Variants in ADGRB3 observed in about 807,000 individuals in gnomAD.
ADGRB3 encodes adhesion G protein-coupled receptor B3.
In ADGRB3, 37 loss-of-function variants were observed where a neutral mutation model predicts 193.4. The ratio of observed to expected loss-of-function variants is 0.19; its 90% CI spans 0.15 to 0.25. ADGRB3 has a LOEUF of 0.25. Among genes scored for constraint, ADGRB3 ranks in the 10% least tolerant of loss-of-function variants. The pLI is 1.00. For missense variants in ADGRB3, 1,637 were observed against 1,852.9 expected (o/e 0.88, Z 2.14); for synonymous variants, 690 against 644.2 (o/e 1.07, Z -1.08).
intron 20 of ADGRB3, among the ~76,000 whole-genome samples, chr6:69,314,913 T>C (rs141856385): frequency 6.6e-6 from 1 of 151,704 alleles, no homozygotes; most frequent in East Asian, 1.9e-4. Context: ...ATTTCATTAG[T>C]TGAGGTGCTT....
At chr6:69,160,582 T>G (rs1774956513) in intron 17 of ADGRB3, among the ~76,000 whole-genome samples, 1 of 152,120 alleles carries the variant, frequency 6.6e-6, no homozygotes, top group African/African-American at 2.4e-5. Context: ...CATATCATCT[T>G]ATTATCATCT....
intron 10 of ADGRB3, among the ~76,000 whole-genome samples, chr6:68,983,583 T>G (rs745972528): frequency 2.0e-5 from 3 of 151,738 alleles, no homozygotes; most frequent in Non-Finnish European, 1.5e-5. Context: ...ACTGTGTTAT[T>G]CAATCATTTA....
chr6:68,930,595 A>G lies in ADGRB3; in HGVS notation c.794A>G (p.Gln265Arg). The G allele has an allele frequency of 6.2e-7, 1 of 1,612,810 alleles. No homozygotes were observed. The highest frequency in any genetic ancestry group is 8.5e-7 in the Non-Finnish European group (1 of 1,179,342). ...GMMGDHTIKS[Q>R]RPRSVHEKRV... The stretch of plus-strand genomic sequence containing the variant: ...ATGGGAGATCATACAATTAAAAGTC[A>G]GCGACCTCGATCTGTTCATGAAAAA... Residue 265 changes from glutamine (Q) to arginine (R), a missense_variant, in exon 4 of 32, where the codon CAG becomes CGG. Around this residue, in one of 7 missense-constraint regions of ADGRB3, gnomAD observed 365 missense variants for 409.8 expected, o/e 0.89. Coordinates refer to ENST00000370598, the MANE Select transcript of ADGRB3 (RefSeq NM_001704.3).
At chr6:69,075,387 C>T (rs183494115) in intron 16 of ADGRB3, among the ~76,000 whole-genome samples, 5 of 152,206 alleles carry the variant, frequency 3.3e-5, no homozygotes, top group East Asian at 1.9e-4. Flanking sequence ...TTGAAGGTCA[C>T]GGCAGGTACT....
intron 3 of ADGRB3, among the ~76,000 whole-genome samples, chr6:68,708,790 A>G: frequency 6.6e-6 from 1 of 152,202 alleles, no homozygotes; most frequent in South Asian, 2.1e-4. Flanking sequence ...TTTACTGAAA[A>G]TTAAGTGAAT....
At chr6:69,170,716 T>C (rs1045072309) in intron 17 of ADGRB3, among the ~76,000 whole-genome samples, 2 of 152,222 alleles carry the variant, frequency 1.3e-5, no homozygotes, top group African/African-American at 2.4e-5. Context: ...GAGGAAGATA[T>C]GACTTCTCAT....
intron 28 of ADGRB3, among the ~76,000 whole-genome samples, chr6:69,359,595 CAG>C (rs1427469640): frequency 1.3e-5 from 2 of 151,638 alleles, no homozygotes; most frequent in East Asian, 3.9e-4. Flanking sequence ...TTCTATGTAA[CAG>C]GGAAAGACAT....
At chr6:69,234,931 A>G in intron 18 of ADGRB3, 101 bp from the exon 19 acceptor site, 1 of 847,590 alleles carries the variant, frequency 1.2e-6, no homozygotes, top group Admixed American at 2.1e-5. Context: ...TAACAACTAT[A>G]TAGGCTATTT....
chr6:68,869,194 A>G (rs1765392025), intron 3 of ADGRB3, among the ~76,000 whole-genome samples: 1 of 152,218 alleles, frequency 6.6e-6, no homozygotes, highest in African/African-American at 2.4e-5. Flanking sequence ...CCATGCATCT[A>G]TCACTTTCTA....
chr6:68,994,666 T>A (rs1480663418), intron 11 of ADGRB3, among the ~76,000 whole-genome samples: 1 of 152,206 alleles, frequency 6.6e-6, no homozygotes, highest in Non-Finnish European at 1.5e-5. Context: ...ATTAACTCTT[T>A]TTATGCTGTA....
At chr6:68,755,577 T>C (rs1001920860) in intron 3 of ADGRB3, among the ~76,000 whole-genome samples, 3 of 152,120 alleles carry the variant, frequency 2.0e-5, no homozygotes, top group African/African-American at 7.2e-5. Context: ...TTGAGAATAG[T>C]CACTCTATGG....
At chr6:68,899,376 G>A (rs1031502231) in intron 3 of ADGRB3, among the ~76,000 whole-genome samples, 33 of 151,402 alleles carry the variant, frequency 2.2e-4, no homozygotes, top group Non-Finnish European at 4.3e-4. Flanking sequence ...GTGCCATGCT[G>A]GTGCACTGCA....
At chr6:69,298,550 C>A (rs1274640013) in intron 20 of ADGRB3, among the ~76,000 whole-genome samples, 1 of 151,850 alleles carries the variant, frequency 6.6e-6, no homozygotes, top group Non-Finnish European at 1.5e-5. Flanking sequence ...TATTAGCCTG[C>A]CCAGCATCTC....
intron 17 of ADGRB3, among the ~76,000 whole-genome samples, chr6:69,199,836 T>C (rs887789958): frequency 6.6e-6 from 1 of 152,126 alleles, no homozygotes; most frequent in African/African-American, 2.4e-5. Context: ...CTGAGAGTAA[T>C]AATAGTGACC....
chr6:68,939,148 C>A (rs1767567145), intron 5 of ADGRB3, among the ~76,000 whole-genome samples: 1 of 152,140 alleles, frequency 6.6e-6, no homozygotes, highest in Non-Finnish European at 1.5e-5. Flanking sequence ...ACAGAACTGC[C>A]AAATCCACCT....
chr6:68,699,282 A>AG (rs1765204205), intron 3 of ADGRB3, among the ~76,000 whole-genome samples: 1 of 152,136 alleles, frequency 6.6e-6, no homozygotes, highest in Admixed American at 6.6e-5. Context: ...TCCTATTGAG[A>AG]GAAAAACTAG....
chr6:68,944,031 G>C, intron 6 of ADGRB3, 37 bp downstream of exon 6: 1 of 1,566,008 alleles, frequency 6.4e-7, no homozygotes, highest in Non-Finnish European at 8.7e-7. Context: ...TTTGCATTAT[G>C]TGCTTTTTAT....
chr6:69,169,815 A>G (rs545169615), intron 17 of ADGRB3, among the ~76,000 whole-genome samples: 7 of 152,232 alleles, frequency 4.6e-5, no homozygotes, highest in African/African-American at 7.2e-5. Context: ...TTTCCTGGCA[A>G]CTGTGGCCCA....
intron 17 of ADGRB3, among the ~76,000 whole-genome samples, chr6:69,215,681 G>A (rs1303164845): frequency 4.6e-5 from 7 of 151,846 alleles, no homozygotes; most frequent in African/African-American, 1.7e-4. Context: ...CAAAGACTTC[G>A]GGGACAGGTT....
Sources: allele counts gnomAD v4.1 joint callset (sites outside exome capture counted in the v4.1 genomes callset), GRCh38; gene constraint gnomAD v4.1.1; regional missense constraint gnomAD v4.1.1; transcripts MANE v1.5; gene names NCBI Gene and HGNC (gene_info 2026-07-23, HGNC 2026-07-21).